FRMD4B: variants seen among roughly 807,000 people sequenced by gnomAD.
FRMD4B encodes FERM domain-containing protein 4B.
Under a neutral mutation model 141.5 loss-of-function variants are expected in FRMD4B, and 74 were observed. The observed-to-expected ratio is 0.52, with a 90% CI of 0.43 to 0.63. The LOEUF is 0.63. Ranked by LOEUF, FRMD4B falls within the 30% of genes least tolerant of loss-of-function variation. FRMD4B has a pLI of 0.00. For synonymous variants in FRMD4B, 506 were observed against 467.9 expected, an observed-to-expected ratio of 1.08 and a Z score of -1.05; for missense variants, 1,366 against 1,253.4, an observed-to-expected ratio of 1.09 and a Z score of -1.36.
intron 4 of FRMD4B, among the ~76,000 whole-genome samples, chr3:69,290,348 A>G (rs1253278836): frequency 1.3e-5 from 2 of 152,236 alleles, no homozygotes; most frequent in African/African-American, 4.8e-5. Flanking sequence ...AGGCAGCAGA[A>G]GCCATGAAGT....
At chr3:69,432,034 G>C (rs1391558440) in intron 2 of FRMD4B, among the ~76,000 whole-genome samples, 1 of 152,122 alleles carries the variant, frequency 6.6e-6, no homozygotes, top group African/African-American at 2.4e-5. Flanking sequence ...TTATGACAAT[G>C]CTTATGCAAC....
At chr3:69,535,878 G>A in intron 1 of FRMD4B, 2 of 441,614 alleles carry the variant, frequency 4.5e-6, no homozygotes, top group South Asian at 1.7e-5. Flanking sequence ...GGTCGAGGAA[G>A]CAATGCCATT....
intron 1 of FRMD4B, among the ~76,000 whole-genome samples, chr3:69,540,654 T>TACAC (rs1487394957): frequency 0.012 from 930 of 77,686 alleles, 11 homozygotes; most frequent in East Asian, 0.022. Context: ...TATATATATA[T>TACAC]ATATATACAC....
chr3:69,403,870 A>G (rs1704608685), intron 2 of FRMD4B, among the ~76,000 whole-genome samples: 1 of 152,128 alleles, frequency 6.6e-6, no homozygotes. Flanking sequence ...TATTCTAACC[A>G]GAATCAGAGA....
At chr3:69,329,345 C>A (rs1702286205) in intron 1 of FRMD4B, among the ~76,000 whole-genome samples, 1 of 151,800 alleles carries the variant, frequency 6.6e-6, no homozygotes, top group Non-Finnish European at 1.5e-5. Flanking sequence ...TAATTTATTT[C>A]TTTATTTTTA....
At chr3:69,245,590 G>A (rs185531994) in intron 7 of FRMD4B, among the ~76,000 whole-genome samples, 2 of 151,812 alleles carry the variant, frequency 1.3e-5, no homozygotes, top group South Asian at 2.1e-4. Context: ...CGAGTGATCC[G>A]CCTATCTCGG....
chr3:69,511,919 C>G (rs936121412), intron 1 of FRMD4B, among the ~76,000 whole-genome samples: 29 of 152,124 alleles, frequency 1.9e-4, no homozygotes, highest in African/African-American at 6.3e-4. Flanking sequence ...GGAGTACAAC[C>G]TAGTCTGAGG....
Position 69,539,426 on chromosome 3 carries a change from A to G in FRMD4B, c.-129+2780T>C, listed in dbSNP as rs1036494091. On this transcript the variant is annotated intron_variant, in intron 1 of 5. Coordinates refer to the FRMD4B transcript ENST00000459638. ...GTTAACTCCTCCCACACTTTTCTAG[A>G]TTAGGCTCAAATGCAACCATCTGCC... Among the ~76,000 whole-genome samples the G allele has an allele frequency of 1.1e-4, 16 of 152,308 alleles. No homozygotes were observed. The East Asian group carries it at 1.9e-3, about 18-fold the overall frequency.
intron 11 of FRMD4B, chr3:69,200,510 G>C (rs2092955335): frequency 9.7e-7 from 1 of 1,034,696 alleles, no homozygotes; most frequent in Non-Finnish European, 1.2e-6. Context: ...GGTGAGTTCT[G>C]AACTGAGTTT....
intron 5 of FRMD4B, among the ~76,000 whole-genome samples, chr3:69,257,246 T>C (rs1302735539): frequency 6.6e-6 from 1 of 152,266 alleles, no homozygotes; most frequent in Non-Finnish European, 1.5e-5. Context: ...CTGGCATTAC[T>C]CCACTGGCTT....
chr3:69,253,634 T>G (rs948506995), intron 5 of FRMD4B, among the ~76,000 whole-genome samples: 1 of 152,150 alleles, frequency 6.6e-6, no homozygotes, highest in Admixed American at 6.5e-5. Context: ...CCTCAGTTTG[T>G]TTCCAAGCCT....
chr3:69,387,461 G>T (rs1704286679), upstream of FRMD4B, among the ~76,000 whole-genome samples: 1 of 152,120 alleles, frequency 6.6e-6, no homozygotes, highest in African/African-American at 2.4e-5. Context: ...TAGCAAAAGT[G>T]CTGTAGCAAA....
intron 5 of FRMD4B, among the ~76,000 whole-genome samples, chr3:69,267,585 G>A (rs1189369613): frequency 1.9e-5 from 1 of 51,298 alleles, no homozygotes; most frequent in Non-Finnish European, 3.4e-5. Context: ...ATATGTGTGT[G>A]TGTGTGTGTG....
intron 1 of FRMD4B, among the ~76,000 whole-genome samples, chr3:69,474,076 G>A (rs996419524): frequency 7.9e-5 from 12 of 152,134 alleles, no homozygotes; most frequent in Non-Finnish European, 1.5e-4. Context: ...CCAAGGGATG[G>A]TAAAGCCCAT....
chr3:69,470,753 T>G (rs1248099123), intron 1 of FRMD4B, among the ~76,000 whole-genome samples: 2 of 152,174 alleles, frequency 1.3e-5, no homozygotes, highest in Non-Finnish European at 2.9e-5. Flanking sequence ...CAATGTTAAG[T>G]GTCCTAAGTA....
intron 2 of FRMD4B, among the ~76,000 whole-genome samples, chr3:69,416,661 T>G (rs1704869572): frequency 6.6e-6 from 1 of 152,162 alleles, no homozygotes; most frequent in African/African-American, 2.4e-5. Context: ...TTTTAAGCCC[T>G]GCATGTATTA....
At chr3:69,439,204 T>G (rs962619830) in intron 1 of FRMD4B, among the ~76,000 whole-genome samples, 19 of 152,354 alleles carry the variant, frequency 1.2e-4, no homozygotes, top group Admixed American at 4.6e-4. Context: ...TGTTGCATAG[T>G]GCTCTGTCGT....
intron 1 of FRMD4B, chr3:69,472,301 CTT>C: frequency 4.8e-6 from 2 of 416,610 alleles, no homozygotes; most frequent in Non-Finnish European, 9.5e-6. Context: ...TTCTCTGCAA[CTT>C]TTTTTTTCTT....
At chr3:69,375,257 A>AT (rs1553732587) in intron 1 of FRMD4B, among the ~76,000 whole-genome samples, 6 of 10,072 alleles carry the variant, frequency 6.0e-4, no homozygotes, top group African/African-American at 1.4e-3. Context: ...CCATCCATCC[A>AT]CCCCATCCCA....
Sources: allele counts gnomAD v4.1 joint callset (sites outside exome capture counted in the v4.1 genomes callset), GRCh38; gene constraint gnomAD v4.1.1; transcripts MANE v1.5; gene names NCBI Gene and HGNC (gene_info 2026-07-23, HGNC 2026-07-21).